The following ADCY1 variants were observed in gnomAD, a reference collection of about 807,000 sequenced individuals.
ADCY1 encodes the protein adenylate cyclase type 1.
Under a neutral mutation model 105.4 loss-of-function variants are expected in ADCY1, and 28 were observed. That is an observed-to-expected ratio of 0.27 (90% confidence interval 0.20 to 0.36). The LOEUF is 0.36. ADCY1 is among the 10% of genes least tolerant of loss of function. ADCY1 has a pLI of 1.00. For synonymous variants in ADCY1, 655 were observed against 623.8 expected (o/e 1.05, Z -0.75); for missense variants, 977 against 1,434.2 (o/e 0.68, Z 5.15).
chr7:45,580,278 A>G (rs979893071), intron 1 of ADCY1, among the ~76,000 whole-genome samples: 1 of 152,156 alleles, frequency 6.6e-6, no homozygotes, highest in African/African-American at 2.4e-5. Context: ...GGAGCCCTAG[A>G]CATGTGCTGA....
intron 14 of ADCY1, among the ~76,000 whole-genome samples, chr7:45,691,203 A>G (rs76215785): frequency 0.015 from 2,315 of 152,330 alleles, 44 homozygotes; most frequent in South Asian, 0.051. Flanking sequence ...CCCAATGAGC[A>G]TACCAGTAAT....
chr7:45,610,259 G>T, intron 2 of ADCY1, 120 bp from the exon 3 acceptor site: 1 of 816,174 alleles, frequency 1.2e-6, no homozygotes, highest in Non-Finnish European at 2.0e-6. Flanking sequence ...TGGCAGTCCA[G>T]CCCTGGACGT....
chr7:45,630,194 C>A (rs952112024), intron 4 of ADCY1, among the ~76,000 whole-genome samples: 3 of 152,070 alleles, frequency 2.0e-5, no homozygotes, highest in East Asian at 1.9e-4. Context: ...AATATATGAT[C>A]CCTGAGACTT....
intron 4 of ADCY1, 56 bp downstream of exon 4, chr7:45,622,799 G>A (rs1023278186): frequency 5.8e-6 from 8 of 1,379,262 alleles, no homozygotes; most frequent in Admixed American, 5.8e-5. Context: ...CTGGAGTGAC[G>A]ATAAGCCAGG....
chr7:45,610,333 G>T, intron 2 of ADCY1, 46 bp from the exon 3 acceptor site: 2 of 1,553,336 alleles, frequency 1.3e-6, no homozygotes, highest in South Asian at 1.1e-5. Context: ...GAGGAGTGGA[G>T]GGAGGGGGCC....
intron 3 of ADCY1, among the ~76,000 whole-genome samples, chr7:45,614,868 A>G (rs1484806537): frequency 6.6e-6 from 1 of 152,240 alleles, no homozygotes; most frequent in Admixed American, 6.5e-5. Flanking sequence ...AAAAGCACCT[A>G]AGTATATAAA....
At chr7:45,695,929 C>G (rs779370848) in intron 14 of ADCY1, among the ~76,000 whole-genome samples, 1 of 152,236 alleles carries the variant, frequency 6.6e-6, no homozygotes, top group Non-Finnish European at 1.5e-5. Flanking sequence ...CTGTGTTCTT[C>G]TCAAGAGTGT....
At chr7:45,599,324 G>T (rs1365518196) in intron 2 of ADCY1, among the ~76,000 whole-genome samples, 1 of 151,888 alleles carries the variant, frequency 6.6e-6, no homozygotes, top group African/African-American at 2.4e-5. Flanking sequence ...GCTCCATGCT[G>T]AGGCGTCTTG....
At chr7:45,676,681 T>A (rs1245661931) in intron 8 of ADCY1, among the ~76,000 whole-genome samples, 3 of 152,090 alleles carry the variant, frequency 2.0e-5, no homozygotes, top group Non-Finnish European at 4.4e-5. Flanking sequence ...GGGAGCTCAT[T>A]ACCACTCAGT....
intron 5 of ADCY1, among the ~76,000 whole-genome samples, chr7:45,650,989 CTG>C (rs879574156): frequency 5.9e-5 from 9 of 152,156 alleles, no homozygotes; most frequent in East Asian, 1.9e-4. Flanking sequence ...GGCTCTCAGT[CTG>C]TGAGATTCTC....
At chr7:45,628,718 TG>T in intron 4 of ADCY1, among the ~76,000 whole-genome samples, 1 of 152,362 alleles carries the variant, frequency 6.6e-6, no homozygotes, top group South Asian at 2.1e-4. Context: ...CTCTGTCTTC[TG>T]CAACCTGGCA....
At chr7:45,586,487 G>A (rs986544156) in intron 1 of ADCY1, among the ~76,000 whole-genome samples, 3 of 152,188 alleles carry the variant, frequency 2.0e-5, no homozygotes, top group Non-Finnish European at 4.4e-5. Context: ...GATTTCTTGA[G>A]TACCCATCAC....
In ADCY1 at chr7:45,722,150, G is replaced by A. The variant is rs896744738; in HGVS notation, c.*8155G>A. The A allele has an allele frequency of 2.5e-5, 7 of 277,766 alleles. No homozygotes were observed. Among genetic ancestry groups the A allele is most frequent in the Admixed American group, 5.3e-5 (1 of 18,756 alleles). The allele number at this position is 277,766 out of a possible 1,614,324, so 17.2% of individuals were successfully genotyped here. A position where few individuals can be genotyped will look rare whatever the true frequency, so the allele number is the denominator to read the frequency against. On this transcript the variant is annotated 3_prime_UTR_variant, in exon 20 of 20. Coordinates refer to ENST00000297323, the MANE Select transcript of ADCY1 (RefSeq NM_021116.4). The stretch of plus-strand genomic sequence containing the variant: ...AGTCTCAGGGGACCATTCCCACATT[G>A]GGGGATCCTGAGGGAGCCCATCACC...
chr7:45,686,621 A>G lies in ADCY1; in HGVS notation c.2402A>G (p.His801Arg). The stretch of plus-strand genomic sequence containing the variant: ...CTCTTCTCCTGTGCGCTGGCCCTGC[A>G]TGCCAGGCAGGTGGACATCAGGCTG... ...ILLFSCALAL[H>R]ARQVDIRLRL... The change falls in exon 14 of 20, where the codon CAT becomes CGT. Residue 801 changes from histidine to arginine, a missense_variant. His to Arg is a conservative substitution (Grantham distance 29). Around this residue, in one of 7 missense-constraint regions of ADCY1, gnomAD observed 275 missense variants for 362.1 expected, o/e 0.76. Coordinates refer to ENST00000297323, the MANE Select transcript of ADCY1 (RefSeq NM_021116.4). This position sits in a 1 kb window ranked among gnomAD's most constrained non-coding sequence, Gnocchi z 4.3. 1.2e-6 allele frequency: 2 copies of G among 1,613,492 alleles called. No homozygotes were observed. The highest frequency in any genetic ancestry group is 1.7e-6 in the Non-Finnish European group (2 of 1,179,522).
intron 4 of ADCY1, among the ~76,000 whole-genome samples, chr7:45,626,694 A>C (rs1005786310): frequency 2.0e-5 from 3 of 152,218 alleles, no homozygotes; most frequent in Non-Finnish European, 4.4e-5. Context: ...TTTGAGTTTG[A>C]GCTGAAGAGA....
intron 7 of ADCY1, among the ~76,000 whole-genome samples, 192 bp from the exon 8 acceptor site, chr7:45,661,867 G>A (rs1795115799): frequency 1.3e-5 from 2 of 152,160 alleles, no homozygotes; most frequent in Admixed American, 1.3e-4. Context: ...TTTGGACGTG[G>A]CCCTCCCAAT....
chr7:45,664,397 C>T, intron 8 of ADCY1: 3 of 1,536,020 alleles, frequency 2.0e-6, no homozygotes, highest in Non-Finnish European at 2.6e-6. Context: ...GCCCAACAGC[C>T]ACTGTCACCA....
At chr7:45,671,432 A>G (rs1784365343) in intron 8 of ADCY1, among the ~76,000 whole-genome samples, 1 of 152,196 alleles carries the variant, frequency 6.6e-6, no homozygotes. Flanking sequence ...ATGTTAACTC[A>G]TCTAGGATAG....
At chr7:45,610,296 C>T (rs957776369) in intron 2 of ADCY1, 83 bp from the exon 3 acceptor site, 34 of 1,264,848 alleles carry the variant, frequency 2.7e-5, no homozygotes, top group African/African-American at 1.9e-4. Context: ...AGGGGCCCGG[C>T]GCCCTTACTG....
Sources: gnomAD v4.1 joint callset for allele counts (sites outside exome capture counted in the v4.1 genomes callset) on GRCh38, gnomAD v4.1.1 for gene constraint, gnomAD v4.1.1 regional missense constraint, Gnocchi (gnomAD v3.1) non-coding constraint, MANE v1.5 for transcripts, NCBI Gene and HGNC (gene_info 2026-07-23, HGNC 2026-07-21) for gene names.